AAK1: variants seen among roughly 807,000 people sequenced by gnomAD.
AAK1 encodes the protein AP2-associated protein kinase 1.
A neutral mutation model predicts 116.0 loss-of-function variants in AAK1; 37 were observed. The ratio of observed to expected loss-of-function variants is 0.32; its 90% confidence interval spans 0.25 to 0.42. The LOEUF (loss-of-function observed/expected upper bound fraction) is 0.42, where lower values mean the gene tolerates loss of function less well. AAK1 is among the 10% of genes least tolerant of loss of function. The probability of loss-of-function intolerance (pLI) is 1.00; values close to 1 mark genes in which losing one functional copy is unlikely to be tolerated. For synonymous variants in AAK1, 458 were observed against 439.9 expected (o/e 1.04, Z -0.51); for missense variants, 919 against 1,170.6 (o/e 0.79, Z 3.14).
Position 69,475,736 on chromosome 2 carries a change from G to T in AAK1, c.*133C>A. The T allele has an allele frequency of 6.9e-7, 1 of 1,444,496 alleles. No individual in the cohort carries two copies. Among genetic ancestry groups the T allele is most frequent in the Non-Finnish European group, 9.1e-7 (1 of 1,096,664 alleles). 89.5% of individuals were successfully genotyped at this position (1,444,496 alleles called of 1,614,324 possible). ...TATCATTTCTACAGGAGAAGGCAAGGGGTAGGAGAAAAGGGCTGGAGGGCC... is the reference window on the plus strand; with the variant it reads ...TATCATTTCTACAGGAGAAGGCAAGTGGTAGGAGAAAAGGGCTGGAGGGCC... On this transcript the variant is annotated 3_prime_UTR_variant, in exon 22 of 22. Transcript: ENST00000409085.
chr2:69,573,857 G>T (rs1672188250), intron 2 of AAK1, among the ~76,000 whole-genome samples: 1 of 151,882 alleles, frequency 6.6e-6, no homozygotes, highest in South Asian at 2.1e-4. Flanking sequence ...AAATTAGCTG[G>T]GCGTGGTTGC....
intron 5 of AAK1, among the ~76,000 whole-genome samples, chr2:69,533,774 T>C (rs1670352499): frequency 6.6e-6 from 1 of 152,178 alleles, no homozygotes; most frequent in South Asian, 2.1e-4. Flanking sequence ...CCTTGGAATT[T>C]CCAGCCACAT....
chr2:69,611,523 C>T (rs972512774), intron 2 of AAK1, among the ~76,000 whole-genome samples: 8 of 152,294 alleles, frequency 5.3e-5, no homozygotes, highest in African/African-American at 1.7e-4. Flanking sequence ...TCTCTCTCCC[C>T]GAGCTTGCAG....
At chr2:69,491,660 C>T (rs1675527691) in intron 17 of AAK1, among the ~76,000 whole-genome samples, 1 of 152,140 alleles carries the variant, frequency 6.6e-6, no homozygotes. Flanking sequence ...AGGACTGCCC[C>T]ACTGGGAATA....
intron 2 of AAK1, among the ~76,000 whole-genome samples, chr2:69,638,152 G>A (rs1332893437): frequency 2.0e-5 from 3 of 152,146 alleles, no homozygotes; most frequent in Non-Finnish European, 4.4e-5. Flanking sequence ...AAGTGGGAGG[G>A]ATCAAATTGG....
chr2:69,469,506 T>C lies in AAK1; in HGVS notation c.*6363A>G, dbSNP rs774579651. The stretch of plus-strand genomic sequence containing the variant: ...AAGAAAACGTGTTTGAAGCAGTCTC[T>C]TTACTAGCATTGAAGGATTTATACT... On this transcript the variant is annotated 3_prime_UTR_variant, in exon 22 of 22. Transcript: ENST00000409085. 3.0e-6 allele frequency: 3 copies of C among 985,460 alleles called. No individual in the cohort carries two copies. The highest frequency in any genetic ancestry group is 3.6e-6 in the Non-Finnish European group (3 of 829,936). The allele number at this position is 985,460 out of a possible 1,614,324, so 61.0% of individuals were successfully genotyped here.
chr2:69,518,988 G>T lies in AAK1; in HGVS notation c.1463C>A (p.Thr488Lys). Reference sequence around the variant, plus strand: ...CTGGGCCTGCTGCTGCTGGTAAAACGTGCCTGCCGGCTGCTGCTGTGCTGG... The same window carrying T: ...CTGGGCCTGCTGCTGCTGGTAAAACTTGCCTGCCGGCTGCTGCTGTGCTGG... Reference protein sequence around the residue: ...PPPAQQQPAGTFYQQQQAQTQ... With the variant: ...PPPAQQQPAGKFYQQQQAQTQ... Residue 488 changes from threonine to lysine, a missense_variant, in exon 12 of 22, where the codon ACG (threonine) becomes AAG (lysine). Transcript: ENST00000409085. The T allele has an allele frequency of 6.5e-7, 1 of 1,549,678 alleles. No homozygotes were observed. The highest frequency in any genetic ancestry group is 2.4e-5 in the East Asian group (1 of 40,908).
rs115882971 is a variant in AAK1, at chr2:69,482,678, G to A, written c.2467+33C>T. ...TTCTTGAAACAGGCACACATATCAT[G>A]CATGACTGAAGAAACAGAGATGATG... On this transcript the variant is annotated intron_variant, in intron 18 of 21. Transcript: ENST00000409085. The A allele has an allele frequency of 1.3e-3, 1,909 of 1,518,404 alleles. 20 individuals are homozygous for A. The African/African-American group carries it at 0.023, about 18-fold the overall frequency. The allele number at this position is 1,518,404 out of a possible 1,614,324, so 94.1% of individuals were successfully genotyped here. A position where few individuals can be genotyped will look rare whatever the true frequency, so the allele number is the denominator to read the frequency against.
intron 2 of AAK1, among the ~76,000 whole-genome samples, chr2:69,632,761 C>T (rs1559019380): frequency 6.6e-6 from 1 of 151,010 alleles, no homozygotes; most frequent in East Asian, 1.9e-4. Context: ...AAGCCGGGCA[C>T]GGTGGCTTAC....
intron 2 of AAK1, among the ~76,000 whole-genome samples, chr2:69,573,994 CAAAATAAAAATA>C (rs148879862): frequency 6.6e-6 from 1 of 150,778 alleles, no homozygotes; most frequent in Non-Finnish European, 1.5e-5. Context: ...GACTCCATCT[CAAAATAAAAATA>C]AAAATAAAAA....
chr2:69,563,982 A>T (rs1215976224), intron 2 of AAK1, among the ~76,000 whole-genome samples: 2 of 152,126 alleles, frequency 1.3e-5, no homozygotes, highest in Non-Finnish European at 1.5e-5. Flanking sequence ...TCACGAGGTC[A>T]GGAGATTGAG....
chr2:69,570,688 C>A (rs1672059077), intron 2 of AAK1, among the ~76,000 whole-genome samples: 1 of 152,118 alleles, frequency 6.6e-6, no homozygotes, highest in Non-Finnish European at 1.5e-5. Context: ...CAGTGCTTAG[C>A]ACGTGGTAGA....
rs557262594 is a variant in AAK1, at chr2:69,529,937, T to C, written c.871+71A>G. ...CTAACTCATTACTCCTGGAATCTAA[T>C]CCCTTTATCCCCCAATTCATTCTTT... is the stretch of plus-strand genomic sequence containing the variant. On this transcript the variant is annotated intron_variant, in intron 8 of 21. Coordinates refer to ENST00000409085, the MANE Select transcript of AAK1 (RefSeq NM_014911.5). 28 of 1,312,988 alleles carry C rather than the reference T, an allele frequency of 2.1e-5. No individual in the cohort carries two copies. The African/African-American group carries it at 3.7e-4, about 17-fold the overall frequency. The allele number at this position is 1,312,988 out of a possible 1,614,324, so 81.3% of individuals were successfully genotyped here. A position where few individuals can be genotyped will look rare whatever the true frequency, so the allele number is the denominator to read the frequency against.
At chr2:69,602,324 A>G (rs74971779) in intron 2 of AAK1, among the ~76,000 whole-genome samples, 4,321 of 152,188 alleles carry the variant, frequency 0.028, 216 homozygotes, top group African/African-American at 0.099. Context: ...AACAGTTTAT[A>G]TCAAAGTTAA....
intron 10 of AAK1, among the ~76,000 whole-genome samples, chr2:69,524,182 G>A (rs1171146821): frequency 6.6e-6 from 1 of 152,192 alleles, no homozygotes; most frequent in Non-Finnish European, 1.5e-5. Context: ...AGGAAAGGGA[G>A]GTTGAGTGTT....
In AAK1 at chr2:69,480,937, C is replaced by T; in HGVS notation, c.2492G>A (p.Ser831Asn). The T allele has an allele frequency of 6.2e-7, 1 of 1,606,426 alleles. No homozygotes were observed. The highest frequency in any genetic ancestry group is 8.5e-7 in the Non-Finnish European group (1 of 1,177,016). ...TGGGGGCTCCAGTCCTGGTATGAGA[C>T]TCTCAACAGCAACATCAGCTTTTTC... ...VIEKADVAVESLIPGLEPPVP... is the reference protein window; with the variant it reads ...VIEKADVAVENLIPGLEPPVP... The change falls in exon 19 of 22, where the codon AGT becomes AAT. Residue 831 changes from serine (S) to asparagine (N), a missense_variant. Transcript: ENST00000409085.
At chr2:69,485,560 T>G (rs1250197699) in intron 17 of AAK1, among the ~76,000 whole-genome samples, 2 of 152,152 alleles carry the variant, frequency 1.3e-5, no homozygotes. Context: ...TACGAACCTT[T>G]GTATCCCAGT....
chr2:69,510,912 T>C (rs1056758046), intron 13 of AAK1, among the ~76,000 whole-genome samples: 3 of 152,214 alleles, frequency 2.0e-5, no homozygotes, highest in African/African-American at 7.2e-5. Context: ...ACTCTTGTGA[T>C]GTGGGCCATT....
At chr2:69,559,530 T>C (rs1457723518) in intron 2 of AAK1, among the ~76,000 whole-genome samples, 1 of 152,214 alleles carries the variant, frequency 6.6e-6, no homozygotes, top group Non-Finnish European at 1.5e-5. Context: ...GTTTTGTAAA[T>C]AGTATAAGTA....
Sources: gnomAD v4.1 joint callset for allele counts (sites outside exome capture counted in the v4.1 genomes callset) on GRCh38, gnomAD v4.1.1 for gene constraint, MANE v1.5 for transcripts, NCBI Gene and HGNC (gene_info 2026-07-23, HGNC 2026-07-21) for gene names.